COL6A6: variants seen among roughly 807,000 people sequenced by gnomAD.
COL6A6 encodes collagen type VI alpha 6 chain.
Under a neutral mutation model 208.6 loss-of-function variants are expected in COL6A6, and 183 were observed. The ratio of observed to expected loss-of-function variants is 0.88; its 90% CI spans 0.78 to 0.99. The LOEUF (loss-of-function observed/expected upper bound fraction) is 0.99, where lower values mean the gene tolerates loss of function less well. COL6A6 is among the 50% of genes least tolerant of loss of function. The pLI is 0.00. For synonymous variants in COL6A6, 973 were observed against 1,011.8 expected, an observed-to-expected ratio of 0.96 and a Z score of 0.73; for missense variants, 2,816 against 2,815.2, an observed-to-expected ratio of 1.00 and a Z score of -0.01.
At chr3:130,594,535 C>A (rs777391619) in intron 18 of COL6A6, 192 bp downstream of exon 18, 2 of 435,306 alleles carry the variant, frequency 4.6e-6, no homozygotes, top group Non-Finnish European at 8.2e-6. Flanking sequence ...CAGTAAAAAG[C>A]CCTTACATGT....
chr3:130,661,906 A>T lies in COL6A6; in HGVS notation c.6100A>T (p.Asn2034Tyr). The change falls in exon 35 of 37, where the codon AAT becomes TAT. Residue 2034 changes from asparagine (N) to tyrosine (Y), a missense_variant. Physicochemically the swap from Asn to Tyr is moderately radical, Grantham distance 143 (BLOSUM62 -2). Transcript: ENST00000358511. The part of the protein sequence containing the change: ...TQKSPVRAEF[N>Y]LTTYRSKRLM... ...GAAGAGTCCAGTTAGAGCTGAGTTC[A>T]ATCTTACCACCTACAGAAGTAAGCG... The T allele has an allele frequency of 3.1e-6, 5 of 1,614,014 alleles. No homozygotes were observed. The highest frequency in any genetic ancestry group is 1.6e-4 in the Middle Eastern group (1 of 6,062).
chr3:130,583,029 A>G (rs2063460317), intron 10 of COL6A6, among the ~76,000 whole-genome samples: 1 of 151,414 alleles, frequency 6.6e-6, no homozygotes, highest in Non-Finnish European at 1.5e-5. Context: ...TGTTTTCCTC[A>G]CTCCCTTTCT....
At chr3:130,642,469 A>G (rs773437542) in intron 29 of COL6A6, among the ~76,000 whole-genome samples, 4 of 152,194 alleles carry the variant, frequency 2.6e-5, no homozygotes, top group Non-Finnish European at 5.9e-5. Context: ...GGGCAACTGC[A>G]CATGTGTGGC....
intron 23 of COL6A6, among the ~76,000 whole-genome samples, chr3:130,619,634 A>G (rs1471670443): frequency 1.3e-5 from 2 of 152,354 alleles, no homozygotes; most frequent in South Asian, 2.1e-4. Flanking sequence ...AGACCTGGCT[A>G]CAGTTAGGAG....
Position 130,574,538 on chromosome 3 carries a change from C to T in COL6A6, c.3547+13C>T, listed in dbSNP as rs370952284. The stretch of plus-strand genomic sequence containing the variant: ...GCGGGTGAAAGCAGTAAGTATTTAG[C>T]AAGTTCTTCATTCGATTCCCTACAC... On this transcript the variant is annotated intron_variant, in intron 8 of 36. Transcript: ENST00000358511. 1 of 1,601,184 alleles carries T rather than the reference C, an allele frequency of 6.2e-7. No individual in the cohort carries two copies. Among genetic ancestry groups the T allele is most frequent in the African/African-American group, 1.3e-5 (1 of 74,744 alleles).
At chr3:130,600,579 G>A (rs577580359) in intron 20 of COL6A6, among the ~76,000 whole-genome samples, 123 of 152,316 alleles carry the variant, frequency 8.1e-4, no homozygotes, top group Non-Finnish European at 1.6e-3. Context: ...TATGGATGAA[G>A]CTGGAGCCAT....
intron 25 of COL6A6, 48 bp downstream of exon 25, chr3:130,626,595 T>A (rs1328551234): frequency 2.3e-6 from 3 of 1,293,034 alleles, no homozygotes; most frequent in Non-Finnish European, 3.4e-6. Context: ...AATCTTTTAG[T>A]TCAGTAGACA....
At chr3:130,622,781 C>G (rs187355964) in intron 24 of COL6A6, among the ~76,000 whole-genome samples, 2 of 151,910 alleles carry the variant, frequency 1.3e-5, no homozygotes, top group Admixed American at 1.3e-4. Context: ...GGTGTGAATC[C>G]GGGAGGCAGA....
At chr3:130,603,854 A>G (rs1451352968) in intron 20 of COL6A6, among the ~76,000 whole-genome samples, 1 of 152,074 alleles carries the variant, frequency 6.6e-6, no homozygotes, top group East Asian at 1.9e-4. Flanking sequence ...TTCTATATCT[A>G]GGAAATTGGG....
At chr3:130,635,815 CT>C in intron 28 of COL6A6, 54 bp downstream of exon 28, 1 of 1,266,688 alleles carries the variant, frequency 7.9e-7, no homozygotes, top group Non-Finnish European at 1.1e-6. Flanking sequence ...GGAAGTCCTC[CT>C]TTGTGCATTT....
At chr3:130,521,649 A>G (rs1057445569) in intron 1 of COL6A6, among the ~76,000 whole-genome samples, 2 of 152,130 alleles carry the variant, frequency 1.3e-5, no homozygotes, top group Non-Finnish European at 2.9e-5. Context: ...TGCATGCTGG[A>G]GGCTTCTTAC....
At chr3:130,529,372 G>C (rs1448816765) in intron 1 of COL6A6, among the ~76,000 whole-genome samples, 1 of 151,734 alleles carries the variant, frequency 6.6e-6, no homozygotes, top group Admixed American at 6.6e-5. Flanking sequence ...TCAGGGTGGA[G>C]TGGAAATGTT....
At chr3:130,573,497 T>C (rs1463510456) in intron 7 of COL6A6, among the ~76,000 whole-genome samples, 2 of 152,164 alleles carry the variant, frequency 1.3e-5, no homozygotes, top group African/African-American at 4.8e-5. Context: ...CCTCTACAAT[T>C]ATTGTGACCA....
chr3:130,624,979 A>C (rs185040670), intron 24 of COL6A6, among the ~76,000 whole-genome samples: 1 of 152,348 alleles, frequency 6.6e-6, no homozygotes, highest in Admixed American at 6.5e-5. Context: ...GAAAAGCCAT[A>C]TGACTTTCCT....
At chr3:130,628,848 A>ACCT (rs2064974295) in intron 26 of COL6A6, among the ~76,000 whole-genome samples, 1 of 100,890 alleles carries the variant, frequency 9.9e-6, no homozygotes, top group South Asian at 3.1e-4. Context: ...TGTCTGTTAG[A>ACCT]AGGAAAACTA....
chr3:130,563,044 G>T, intron 2 of COL6A6, 24 bp from the exon 3 acceptor site: 1 of 1,561,208 alleles, frequency 6.4e-7, no homozygotes, highest in Non-Finnish European at 8.7e-7. Context: ...TTTTTGGTTC[G>T]TTCATATGTT....
rs571448441 is a variant in COL6A6 at position 130,622,531 on chromosome 3, A to C, written c.4878+648A>C. Among the ~76,000 whole-genome samples the C allele has an allele frequency of 9.9e-5, 15 of 152,234 alleles. No individual in the cohort carries two copies. In the East Asian group the frequency reaches 2.9e-3, roughly 29 times the overall value. On this transcript the variant is annotated intron_variant, in intron 24 of 36. Coordinates refer to ENST00000358511, the MANE Select transcript of COL6A6 (RefSeq NM_001102608.3). ...AGTTTTAAATGGCATTATTAGAAGT[A>C]TTTCTGGGATGCAAAAAGAGGCATC...
intron 1 of COL6A6, among the ~76,000 whole-genome samples, chr3:130,532,469 G>A (rs1427488654): frequency 2.6e-5 from 4 of 152,094 alleles, no homozygotes; most frequent in African/African-American, 2.4e-5. Context: ...CATGATGTCC[G>A]GGGCTGTCTT....
intron 8 of COL6A6, among the ~76,000 whole-genome samples, chr3:130,579,313 G>A (rs2063367533): frequency 6.6e-6 from 1 of 152,094 alleles, no homozygotes; most frequent in African/African-American, 2.4e-5. Flanking sequence ...ACTCTTTTCT[G>A]TGCTTTTGTA....
Sources: gnomAD v4.1 joint callset for allele counts (sites outside exome capture counted in the v4.1 genomes callset) on GRCh38, gnomAD v4.1.1 for gene constraint, MANE v1.5 for transcripts, NCBI Gene and HGNC (gene_info 2026-07-23, HGNC 2026-07-21) for gene names.